Variants in SRGAP1 observed in about 807,000 individuals in gnomAD.
SRGAP1 encodes SLIT-ROBO Rho GTPase activating protein 1, also known as SLIT-ROBO Rho GTPase-activating protein 1.
In SRGAP1, 43 loss-of-function variants were observed where a neutral mutation model predicts 121.9. The observed-to-expected ratio is 0.35, with a 90% CI of 0.28 to 0.46. The LOEUF (loss-of-function observed/expected upper bound fraction) is 0.46, where lower values mean the gene tolerates loss of function less well. Among genes scored for constraint, SRGAP1 ranks in the 20% least tolerant of loss-of-function variants. The pLI, the probability that SRGAP1 is intolerant of heterozygous loss-of-function variation, is 1.00. For missense variants in SRGAP1, 1,102 were observed against 1,350.9 expected (o/e 0.82, Z 2.89); for synonymous variants, 447 against 485.4 (o/e 0.92, Z 1.04).
chr12:63,940,698 A>G (rs1232446445), intron 1 of SRGAP1, among the ~76,000 whole-genome samples: 1 of 152,318 alleles, frequency 6.6e-6, no homozygotes, highest in East Asian at 1.9e-4. Flanking sequence ...ACCTCTAACT[A>G]TCAGCTTAAA....
At chr12:64,141,449 G>A (rs1252189507) in intron 21 of SRGAP1, among the ~76,000 whole-genome samples, 1 of 151,626 alleles carries the variant, frequency 6.6e-6, no homozygotes, top group African/African-American at 2.4e-5. Flanking sequence ...GCGTGGTGGT[G>A]GGCGCCTGTA....
chr12:64,082,836 A>G (rs769764722), intron 10 of SRGAP1, among the ~76,000 whole-genome samples: 1 of 151,928 alleles, frequency 6.6e-6, no homozygotes, highest in Admixed American at 6.6e-5. Context: ...CCTTCACAGG[A>G]CTCCATTTAT....
chr12:64,115,068 A>C (rs950464689), intron 17 of SRGAP1, among the ~76,000 whole-genome samples: 2 of 152,224 alleles, frequency 1.3e-5, no homozygotes, highest in African/African-American at 4.8e-5. Flanking sequence ...ACAGATATGC[A>C]ATGAACATGT....
At chr12:64,087,188 A>G (rs564867683) in intron 11 of SRGAP1, among the ~76,000 whole-genome samples, 162 bp downstream of exon 11, 1 of 152,316 alleles carries the variant, frequency 6.6e-6, no homozygotes, top group East Asian at 1.9e-4. Context: ...TTCTTACAAG[A>G]CTAGGTATGT....
chr12:64,105,928 A>ATCCTT (rs1388101750), intron 15 of SRGAP1, among the ~76,000 whole-genome samples: 2 of 152,198 alleles, frequency 1.3e-5, no homozygotes, highest in East Asian at 1.9e-4. Flanking sequence ...TTCTTTTTAC[A>ATCCTT]TCCTTTCCTT....
chr12:63,899,262 G>C lies in SRGAP1; in HGVS notation c.67+54379G>C, dbSNP rs146809289. Among the ~76,000 whole-genome samples, 224 of 151,884 alleles carry C rather than the reference G, an allele frequency of 1.5e-3. 2 individuals are homozygous for C. Among genetic ancestry groups the C allele is most frequent in the African/African-American group, 5.2e-3 (215 of 41,426 alleles). Reference sequence around the variant, plus strand: ...CTAGGTGTGGTGGCATACACCTGTGGTCCCGGCTACTCCAAAGGCAGAGGT... The same window carrying C: ...CTAGGTGTGGTGGCATACACCTGTGCTCCCGGCTACTCCAAAGGCAGAGGT... On this transcript the variant is annotated intron_variant, in intron 1 of 21. Coordinates refer to ENST00000355086, the MANE Select transcript of SRGAP1 (RefSeq NM_020762.4).
chr12:64,133,383 G>T (rs957577524), intron 21 of SRGAP1, among the ~76,000 whole-genome samples: 2 of 152,026 alleles, frequency 1.3e-5, no homozygotes, highest in Non-Finnish European at 2.9e-5. Context: ...AGAAGTCTGG[G>T]GACCCATTAG....
intron 1 of SRGAP1, among the ~76,000 whole-genome samples, chr12:63,979,134 G>A (rs903301365): frequency 7.0e-6 from 1 of 143,846 alleles, no homozygotes; most frequent in Non-Finnish European, 1.5e-5. Context: ...CTGCCTGCCA[G>A]GTTCAAGCAA....
At chr12:63,999,526 A>G (rs2033813934) in intron 3 of SRGAP1, among the ~76,000 whole-genome samples, 1 of 152,144 alleles carries the variant, frequency 6.6e-6, no homozygotes, top group Non-Finnish European at 1.5e-5. Context: ...GAGATAGAAT[A>G]TGTAGGCCTG....
intron 1 of SRGAP1, among the ~76,000 whole-genome samples, chr12:63,979,798 C>A (rs7972588): frequency 0.98 from 148,762 of 152,314 alleles, 72,741 homozygotes; most frequent in East Asian, 1. Flanking sequence ...AACCTAAAAA[C>A]GCCTCTAAAA....
chr12:63,895,035 T>G (rs1481796750), intron 1 of SRGAP1, among the ~76,000 whole-genome samples: 1 of 152,194 alleles, frequency 6.6e-6, no homozygotes, highest in Non-Finnish European at 1.5e-5. Context: ...TAGTTCTAGA[T>G]CCTTGAGGAA....
In SRGAP1 at chr12:63,872,723, C is replaced by G. The variant is rs144205061; in HGVS notation, c.67+27840C>G. On this transcript the variant is annotated intron_variant, in intron 1 of 21. Coordinates refer to ENST00000355086, the MANE Select transcript of SRGAP1 (RefSeq NM_020762.4). ...GTTTTTTTATTGGGCCCTTTTTTGTCTTATAGTAGTCGCTCAGGCAGTGTT... is the reference window on the plus strand; with the variant it reads ...GTTTTTTTATTGGGCCCTTTTTTGTGTTATAGTAGTCGCTCAGGCAGTGTT... Among the ~76,000 whole-genome samples the G allele has an allele frequency of 1.2e-4, 19 of 152,080 alleles. No homozygotes were observed. In the East Asian group the frequency reaches 3.7e-3, roughly 29 times the overall value.
intron 3 of SRGAP1, among the ~76,000 whole-genome samples, chr12:64,010,990 A>T (rs1312427039): frequency 6.6e-6 from 1 of 151,886 alleles, no homozygotes; most frequent in Non-Finnish European, 1.5e-5. Context: ...AAGTTACCAG[A>T]AAGTTTTTAC....
chr12:63,974,317 C>T (rs558973774), intron 1 of SRGAP1, among the ~76,000 whole-genome samples: 1 of 152,020 alleles, frequency 6.6e-6, no homozygotes, highest in Admixed American at 6.5e-5. Context: ...CTTTCAAAAG[C>T]TATGAAAAAC....
chr12:63,960,592 C>T (rs1333015080), intron 1 of SRGAP1, among the ~76,000 whole-genome samples: 1 of 152,106 alleles, frequency 6.6e-6, no homozygotes, highest in Admixed American at 6.5e-5. Flanking sequence ...AATGGCTCCC[C>T]CAAAGATGTT....
At chr12:64,063,846 G>C (rs2035491923) in intron 7 of SRGAP1, among the ~76,000 whole-genome samples, 1 of 151,864 alleles carries the variant, frequency 6.6e-6, no homozygotes, top group South Asian at 2.1e-4. Context: ...TTTTCCAAAT[G>C]TAATTATAAG....
At chr12:63,978,338 A>AGG (rs1389436600) in intron 1 of SRGAP1, among the ~76,000 whole-genome samples, 7 of 152,228 alleles carry the variant, frequency 4.6e-5, no homozygotes, top group African/African-American at 1.7e-4. Flanking sequence ...TACCCTATAA[A>AGG]GAAACTTCGC....
Position 64,153,819 on chromosome 12 carries a change from AGAATT to A in SRGAP1, c.*11151_*11155del, listed in dbSNP as rs2037142626. The A allele has an allele frequency of 6.6e-6, 1 of 152,248 alleles. No homozygotes were observed. The highest frequency in any genetic ancestry group is 2.4e-5 in the African/African-American group (1 of 41,466). 9.4% of individuals were successfully genotyped at this position (152,248 alleles called of 1,614,324 possible). A position where few individuals can be genotyped will look rare whatever the true frequency, so the allele number is the denominator to read the frequency against. On this transcript the variant is annotated 3_prime_UTR_variant, in exon 22 of 22. Coordinates refer to ENST00000355086, the MANE Select transcript of SRGAP1 (RefSeq NM_020762.4). ...GCCCACTTCTGGGTACATATCCAAA[AGAATT>A]GAAAACAGAAGAGATATTTGCACAC... is the stretch of plus-strand genomic sequence containing the variant.
intron 1 of SRGAP1, among the ~76,000 whole-genome samples, chr12:63,892,224 C>A (rs150422507): frequency 1.3e-5 from 2 of 152,082 alleles, no homozygotes; most frequent in African/African-American, 4.8e-5. Flanking sequence ...CAGGGTCAAC[C>A]ATTTTTAAAT....
Sources: allele counts gnomAD v4.1 joint callset (sites outside exome capture counted in the v4.1 genomes callset), GRCh38; gene constraint gnomAD v4.1.1; transcripts MANE v1.5; gene names NCBI Gene and HGNC (gene_info 2026-07-23, HGNC 2026-07-21).